Variants in ABCA4 observed in about 807,000 individuals in gnomAD.
The protein encoded by ABCA4 is retinal-specific phospholipid-transporting ATPase ABCA4.
ABCA4 carries 196 observed loss-of-function variants against 263.7 expected under a neutral mutation model. The observed-to-expected ratio is 0.74, with a 90% CI of 0.66 to 0.84. The LOEUF (loss-of-function observed/expected upper bound fraction) is 0.84. Among genes scored for constraint, ABCA4 ranks in the 40% least tolerant of loss-of-function variants. The pLI is 0.00. For synonymous variants in ABCA4, 1,133 were observed against 1,094.2 expected (o/e 1.04, Z -0.70); for missense variants, 2,792 against 2,855.1 (o/e 0.98, Z 0.50).
Position 94,062,652 on chromosome 1 carries a change from C to T in ABCA4, c.1862G>A (p.Arg621Lys), listed in dbSNP as rs751079871. ...LQDMVEQGIT[R>K]SQVQAEAPVG... ...TGGAGCCTCCGCCTGCACCTGGCTC[C>T]TTGTGATCCCCTGTTCAACCATGTC... The change falls in exon 13 of 50, where the codon AGG becomes AAG. Residue 621 changes from arginine (R) to lysine (K), a missense_variant. Coordinates refer to ENST00000370225, the MANE Select transcript of ABCA4 (RefSeq NM_000350.3). 4 of 1,614,192 alleles carry T rather than the reference C, an allele frequency of 2.5e-6. No individual in the cohort carries two copies. The highest frequency in any genetic ancestry group is 3.4e-6 in the Non-Finnish European group (4 of 1,180,036).
At chr1:94,120,294 G>A (rs543926977) in intron 1 of ABCA4, among the ~76,000 whole-genome samples, 11 of 152,270 alleles carry the variant, frequency 7.2e-5, no homozygotes, top group African/African-American at 1.2e-4. Context: ...AATCTGTGTC[G>A]TGCTTTTAGG....
intron 6 of ABCA4, among the ~76,000 whole-genome samples, chr1:94,086,700 C>G (rs1661835244): frequency 1.3e-5 from 2 of 152,148 alleles, no homozygotes; most frequent in Admixed American, 1.3e-4. Flanking sequence ...ACTTTAACTT[C>G]TTTTTATATC....
intron 11 of ABCA4, among the ~76,000 whole-genome samples, chr1:94,067,234 A>G (rs1661293506): frequency 1.3e-5 from 2 of 152,254 alleles, no homozygotes; most frequent in Non-Finnish European, 2.9e-5. Context: ...CAAAAAAGCT[A>G]GTAAAAATAA....
chr1:94,041,960 G>T (rs1020717613), intron 22 of ABCA4, among the ~76,000 whole-genome samples: 4 of 152,094 alleles, frequency 2.6e-5, no homozygotes, highest in East Asian at 3.9e-4. Flanking sequence ...TTAGCTAGGC[G>T]TGGTGGCGGG....
intron 11 of ABCA4, among the ~76,000 whole-genome samples, chr1:94,077,395 T>C (rs1251299297): frequency 1.3e-5 from 2 of 152,084 alleles, no homozygotes; most frequent in Non-Finnish European, 2.9e-5. Context: ...ACTCAAGCAA[T>C]GTCAGACAGA....
chr1:94,093,777 CT>C (rs1263911570), intron 6 of ABCA4, among the ~76,000 whole-genome samples: 4 of 152,206 alleles, frequency 2.6e-5, no homozygotes, highest in African/African-American at 9.7e-5. Flanking sequence ...GGCCTCTCTT[CT>C]ATTTCATTTT....
At chr1:94,046,046 G>A (rs1380971912) in intron 19 of ABCA4, 1 of 415,482 alleles carries the variant, frequency 2.4e-6, no homozygotes. Context: ...AGCCCCTCTA[G>A]AGACTGATTC....
chr1:94,048,502 T>G (rs1228362299), intron 18 of ABCA4, among the ~76,000 whole-genome samples: 1 of 152,230 alleles, frequency 6.6e-6, no homozygotes, highest in Non-Finnish European at 1.5e-5. Flanking sequence ...GCATTTATTT[T>G]TGTCTTTCCT....
rs1454022158 is a variant in ABCA4, at chr1:94,113,840, C to T, written c.67-774G>A. Among the ~76,000 whole-genome samples the T allele has an allele frequency of 5.3e-5, 8 of 152,216 alleles. No individual in the cohort carries two copies. In the East Asian group the frequency reaches 7.7e-4, roughly 15 times the overall value. On this transcript the variant is annotated intron_variant, in intron 1 of 49. Transcript: ENST00000370225. Reference sequence around the variant, plus strand: ...TGGTTGAAAGTTGGTATTTAAATTTCGGTTCCATTTGGAGCTTAAGGACTC... The same window carrying T: ...TGGTTGAAAGTTGGTATTTAAATTTTGGTTCCATTTGGAGCTTAAGGACTC...
intron 5 of ABCA4, among the ~76,000 whole-genome samples, 198 bp downstream of exon 5, chr1:94,102,817 C>G (rs1369490737): frequency 6.6e-6 from 1 of 152,224 alleles, no homozygotes; most frequent in Non-Finnish European, 1.5e-5. Flanking sequence ...AGGATGTGTA[C>G]AGCTTCGAAT....
At chr1:94,064,841 T>C (rs187097726) in intron 11 of ABCA4, among the ~76,000 whole-genome samples, 4 of 152,064 alleles carry the variant, frequency 2.6e-5, no homozygotes, top group Middle Eastern at 3.4e-3. Context: ...CCAGGGGAGT[T>C]CTGGGCAGGC....
chr1:94,052,380 T>C (rs1047940250), intron 16 of ABCA4, among the ~76,000 whole-genome samples: 5 of 152,192 alleles, frequency 3.3e-5, no homozygotes, highest in Non-Finnish European at 5.9e-5. Flanking sequence ...TGTAAAATCA[T>C]GGTCTCGGCT....
rs570956247 is a variant in ABCA4 at position 94,045,220 on chromosome 1, G to A, written c.2919-476C>T. Among the ~76,000 whole-genome samples, 4 of 152,204 alleles carry A rather than the reference G, an allele frequency of 2.6e-5. No homozygotes were observed. The South Asian group carries it at 8.3e-4, about 32-fold the overall frequency. On this transcript the variant is annotated intron_variant, in intron 19 of 49. Coordinates refer to ENST00000370225, the MANE Select transcript of ABCA4 (RefSeq NM_000350.3). ...AGGCCAGAACCCTAAGCAGTCCTAG[G>A]CATTTGCTGATTAATTGATCGAAGC...
chr1:94,007,494 C>G, intron 43 of ABCA4, 140 bp downstream of exon 43: 2 of 758,878 alleles, frequency 2.6e-6, no homozygotes, highest in Non-Finnish European at 4.6e-6. Flanking sequence ...TTGGGCCATG[C>G]TCTCTGGGAG....
chr1:94,000,441 C>T (rs1259075241), intron 47 of ABCA4, among the ~76,000 whole-genome samples: 1 of 152,114 alleles, frequency 6.6e-6, no homozygotes, highest in Non-Finnish European at 1.5e-5. Context: ...AAGATGGGTC[C>T]TCAAGTCAGT....
At chr1:94,102,600 C>T (rs1570425890) in intron 5 of ABCA4, among the ~76,000 whole-genome samples, 1 of 152,140 alleles carries the variant, frequency 6.6e-6, no homozygotes, top group Non-Finnish European at 1.5e-5. Flanking sequence ...ACCTGAGCAT[C>T]GCCTGTGGCC....
intron 11 of ABCA4, among the ~76,000 whole-genome samples, chr1:94,076,665 G>T (rs1488053372): frequency 6.6e-6 from 1 of 152,170 alleles, no homozygotes; most frequent in Non-Finnish European, 1.5e-5. Flanking sequence ...TTATTTGGGG[G>T]TCGAGTCATT....
intron 30 of ABCA4, among the ~76,000 whole-genome samples, chr1:94,026,983 TGAGA>T (rs1200763069): frequency 1.3e-5 from 2 of 149,304 alleles, no homozygotes; most frequent in African/African-American, 2.5e-5. Flanking sequence ...AGAAAGAGAT[TGAGA>T]GAAAGAGTGA....
intron 13 of ABCA4, chr1:94,061,392 A>G (rs1419585917): frequency 6.4e-6 from 1 of 157,224 alleles, no homozygotes; most frequent in Non-Finnish European, 1.4e-5. Context: ...CCTGGCAAAC[A>G]GGATAGATTT....
Sources: allele counts gnomAD v4.1 joint callset (sites outside exome capture counted in the v4.1 genomes callset), GRCh38; gene constraint gnomAD v4.1.1; transcripts MANE v1.5; gene names NCBI Gene and HGNC (gene_info 2026-07-23, HGNC 2026-07-21).